Variants in ZSCAN5A observed in about 807,000 individuals in gnomAD.
ZSCAN5A encodes zinc finger and SCAN domain-containing protein 5A.
ZSCAN5A carries 12 observed loss-of-function variants against 23.7 expected under a neutral mutation model. That is an observed-to-expected ratio of 0.51 (90% CI 0.32 to 0.82). The LOEUF (loss-of-function observed/expected upper bound fraction) is 0.82, where lower values mean the gene tolerates loss of function less well. ZSCAN5A is among the 40% of genes least tolerant of loss of function. The pLI is 0.03. For synonymous variants in ZSCAN5A, 257 were observed against 239.9 expected, an observed-to-expected ratio of 1.07 and a Z score of -0.66; for missense variants, 597 against 617.9, an observed-to-expected ratio of 0.97 and a Z score of 0.36.
chr19:56,303,068 C>G, intron 2 of ZSCAN5A: 1 of 394,440 alleles, frequency 2.5e-6, no homozygotes, highest in Non-Finnish European at 4.5e-6. Flanking sequence ...GGTGACACCT[C>G]TGCTGTGGGT....
chr19:56,354,137 A>G (rs2041686861), intron 2 of ZSCAN5A, among the ~76,000 whole-genome samples: 2 of 152,330 alleles, frequency 1.3e-5, no homozygotes, highest in African/African-American at 4.8e-5. Context: ...GCTGATGGGA[A>G]GAGAATAAAA....
intron 2 of ZSCAN5A, chr19:56,282,412 C>A: frequency 1.2e-6 from 1 of 860,722 alleles, no homozygotes; most frequent in Non-Finnish European, 1.4e-6. Context: ...CTTTCATATT[C>A]TCTCTGAACC....
At chr19:56,307,287 C>G (rs528689666) in intron 2 of ZSCAN5A, among the ~76,000 whole-genome samples, 1 of 152,158 alleles carries the variant, frequency 6.6e-6, no homozygotes, top group Non-Finnish European at 1.5e-5. Flanking sequence ...AATGTCAACT[C>G]GATCATACGA....
At chr19:56,313,861 TGA>T (rs2147397472) in intron 1 of ZSCAN5A, among the ~76,000 whole-genome samples, 1 of 152,304 alleles carries the variant, frequency 6.6e-6, no homozygotes, top group African/African-American at 2.4e-5. Flanking sequence ...AATCATCTGG[TGA>T]GAGTTTACTG....
At chr19:56,231,383 TTAA>T (rs972828228) in intron 2 of ZSCAN5A, among the ~76,000 whole-genome samples, 1 of 152,168 alleles carries the variant, frequency 6.6e-6, no homozygotes, top group Non-Finnish European at 1.5e-5. Context: ...ATTTATAAAG[TTAA>T]TAATAATAAT....
chr19:56,229,541 T>C (rs1402048348), intron 2 of ZSCAN5A, among the ~76,000 whole-genome samples: 2 of 152,248 alleles, frequency 1.3e-5, no homozygotes, highest in African/African-American at 4.8e-5. Flanking sequence ...AATGGAATTA[T>C]TCACTGGAAT....
chr19:56,307,191 T>C (rs1269390487), intron 2 of ZSCAN5A, among the ~76,000 whole-genome samples: 1 of 151,754 alleles, frequency 6.6e-6, no homozygotes, highest in Non-Finnish European at 1.5e-5. Flanking sequence ...CCTTGATAGC[T>C]ACAAAGAGGC....
intron 1 of ZSCAN5A, chr19:56,367,457 A>G (rs928360710): frequency 1.3e-5 from 2 of 152,260 alleles, no homozygotes; most frequent in African/African-American, 4.8e-5. Flanking sequence ...GAGGGAAGTA[A>G]GCTGAGCCTC....
intron 2 of ZSCAN5A, among the ~76,000 whole-genome samples, chr19:56,304,401 C>T (rs1490117660): frequency 6.6e-6 from 1 of 152,226 alleles, no homozygotes. Context: ...TTGGTTGTGA[C>T]AGCTGGAGGA....
chr19:56,310,342 C>T (rs188429632), intron 2 of ZSCAN5A: 1 of 152,348 alleles, frequency 6.6e-6, no homozygotes, highest in East Asian at 1.9e-4. Context: ...GGGGGATGCA[C>T]CCAGGGCGGC....
Position 56,230,615 on chromosome 19 carries a change from A to ATATGTGTGTGTGTGTG in ZSCAN5A, c.-127-5443_-127-5442insCACACACACACACATA, listed in dbSNP as rs778155664. 2.0e-3 allele frequency among the ~76,000 whole-genome samples: 290 copies of ATATGTGTGTGTGTGTG among 147,674 alleles called. 5 individuals carry two copies. Among genetic ancestry groups the ATATGTGTGTGTGTGTG allele is most frequent in the Admixed American group, 0.014 (202 of 14,736 alleles). ...CATCTGGCTTTCTTTTTATTTCTTG[A>ATATGTGTGTGTGTGTG]TGTGTGTGTGTGTGTGTGTGTGTGT... is the stretch of plus-strand genomic sequence containing the variant. On this transcript the variant is annotated intron_variant, in intron 2 of 5. Transcript: ENST00000683990.
rs906572743 is a variant in ZSCAN5A, at chr19:56,228,285, T to C, written c.-127-3112A>G. 22 of 985,226 alleles carry C rather than the reference T, an allele frequency of 2.2e-5. No homozygotes were observed. The African/African-American group carries it at 3.7e-4, about 16-fold the overall frequency. 61.0% of individuals were successfully genotyped at this position (985,226 alleles called of 1,614,324 possible). A position where few individuals can be genotyped will look rare whatever the true frequency, so the allele number is the denominator to read the frequency against. On this transcript the variant is annotated intron_variant, in intron 2 of 5. Transcript: ENST00000683990. ...CGGCTTCTGCCTCCGACCTTCTCGG[T>C]CTGGGATGCGCTCTCCAACCGGCCT... is the stretch of plus-strand genomic sequence containing the variant.
At chr19:56,362,597 C>T (rs957296849) in intron 2 of ZSCAN5A, among the ~76,000 whole-genome samples, 6 of 151,996 alleles carry the variant, frequency 3.9e-5, no homozygotes, top group South Asian at 2.1e-4. Context: ...TGGCCGGACG[C>T]GGTGGCTCAC....
At chr19:56,272,603 ACT>A (rs754182801) in intron 2 of ZSCAN5A, among the ~76,000 whole-genome samples, 1 of 152,198 alleles carries the variant, frequency 6.6e-6, no homozygotes, top group Non-Finnish European at 1.5e-5. Context: ...CAAGCATCAC[ACT>A]CAGCATGAAA....
intron 2 of ZSCAN5A, among the ~76,000 whole-genome samples, chr19:56,324,641 CAA>C (rs35806754): frequency 1.1e-3 from 86 of 81,750 alleles, no homozygotes; most frequent in African/African-American, 2.2e-3. Context: ...TGTACATGTT[CAA>C]AAAAAAAAAA....
At chr19:56,303,952 G>C (rs1015450966) in intron 2 of ZSCAN5A, among the ~76,000 whole-genome samples, 3 of 152,130 alleles carry the variant, frequency 2.0e-5, no homozygotes, top group Non-Finnish European at 4.4e-5. Context: ...AGGAACCAAA[G>C]GAACATCTAT....
intron 2 of ZSCAN5A, among the ~76,000 whole-genome samples, chr19:56,291,162 T>C (rs2039484822): frequency 1.3e-5 from 2 of 152,112 alleles, no homozygotes; most frequent in South Asian, 4.1e-4. Flanking sequence ...CAAGAAAGCA[T>C]TGAGTTGTAC....
chr19:56,274,319 T>C (rs10775567), intron 2 of ZSCAN5A, among the ~76,000 whole-genome samples: 62,887 of 151,486 alleles, frequency 0.42, 14,258 homozygotes, highest in Non-Finnish European at 0.51. Context: ...CCAGGCATGG[T>C]AGTAGGGGCC....
chr19:56,255,742 G>A (rs1383764299), intron 2 of ZSCAN5A, among the ~76,000 whole-genome samples: 1 of 152,076 alleles, frequency 6.6e-6, no homozygotes, highest in East Asian at 1.9e-4. Flanking sequence ...GGGTCCCTAG[G>A]AGGGTTGTTA....
Sources: gnomAD v4.1 joint callset for allele counts (sites outside exome capture counted in the v4.1 genomes callset) on GRCh38, gnomAD v4.1.1 for gene constraint, MANE v1.5 for transcripts, NCBI Gene and HGNC (gene_info 2026-07-23, HGNC 2026-07-21) for gene names.